MSRA: variants seen among roughly 807,000 people sequenced by gnomAD.
MSRA encodes mitochondrial peptide methionine sulfoxide reductase.
MSRA carries 54 observed loss-of-function variants against 31.3 expected under a neutral mutation model. The observed-to-expected ratio is 1.73, with a 90% CI of 1.39 to 2.17. The LOEUF is 2.17. Among genes scored for constraint, MSRA ranks in the 30% most tolerant of loss-of-function variants. MSRA has a pLI of 0.00. For missense variants in MSRA, 507 were observed against 300.9 expected (o/e 1.69, Z -5.07); for synonymous variants, 169 against 116.5 (o/e 1.45, Z -2.90).
intron 1 of MSRA, among the ~76,000 whole-genome samples, chr8:10,105,577 A>G (rs79804076): frequency 7.3e-4 from 111 of 152,298 alleles, no homozygotes; most frequent in South Asian, 1.2e-3. Flanking sequence ...TGCATCTGCA[A>G]TGTTACCAAA....
intron 3 of MSRA, among the ~76,000 whole-genome samples, chr8:10,288,414 GT>G (rs1183280462): frequency 6.6e-6 from 1 of 152,176 alleles, no homozygotes; most frequent in African/African-American, 2.4e-5. Context: ...GAATCAGGTG[GT>G]TTGGTGCTGT....
At chr8:10,059,249 T>C (rs4840462) in intron 1 of MSRA, 78,402 of 152,088 alleles carry the variant, frequency 0.52, 22,051 homozygotes, top group Non-Finnish European at 0.62. Context: ...AGATATATGA[T>C]GATAATAGCT....
chr8:10,267,638 G>A (rs1261839118), intron 3 of MSRA, among the ~76,000 whole-genome samples: 1 of 152,086 alleles, frequency 6.6e-6, no homozygotes, highest in Non-Finnish European at 1.5e-5. Context: ...CAAAAGTCAG[G>A]AGAGAGATAC....
chr8:10,240,440 C>T (rs925481594), intron 2 of MSRA, among the ~76,000 whole-genome samples: 2 of 152,180 alleles, frequency 1.3e-5, no homozygotes, highest in Non-Finnish European at 2.9e-5. Context: ...TGGCTGGCAT[C>T]CCCTGGCTGG....
In MSRA at chr8:10,254,690, C is replaced by T. The variant is rs147679103; in HGVS notation, c.331+9467C>T. On this transcript the variant is annotated intron_variant, in intron 3 of 5. Transcript: ENST00000317173. ...GCTCATTAGAGGTTTTGACAATCTC[C>T]GCTGGTGGGATTGAAAATAAAACAG... is the stretch of plus-strand genomic sequence containing the variant. Among the ~76,000 whole-genome samples, 373 of 152,280 alleles carry T rather than the reference C, an allele frequency of 2.4e-3. 4 individuals carry two copies. Among genetic ancestry groups the T allele is most frequent in the Non-Finnish European group, 2.0e-3 (133 of 68,020 alleles).
At position 10,309,691 on chromosome 8, in the gene MSRA, G is replaced by A. The variant is rs552758778; in HGVS notation, c.436+8053G>A. Among the ~76,000 whole-genome samples, 64 of 152,212 alleles carry A rather than the reference G, an allele frequency of 4.2e-4. 1 individual carries two copies. The highest frequency in any genetic ancestry group is 6.9e-4 in the Non-Finnish European group (47 of 68,050). On this transcript the variant is annotated intron_variant, in intron 4 of 5. Coordinates refer to ENST00000317173, the MANE Select transcript of MSRA (RefSeq NM_012331.5). Reference sequence around the variant, plus strand: ...CAGGGCCACACATCCTGGCCTTACCGTGAGCTGGGGATTCTGTGGGGCTCC... The same window carrying A: ...CAGGGCCACACATCCTGGCCTTACCATGAGCTGGGGATTCTGTGGGGCTCC...
intron 1 of MSRA, among the ~76,000 whole-genome samples, chr8:10,144,501 G>C (rs553335025): frequency 2.0e-5 from 3 of 152,210 alleles, no homozygotes; most frequent in African/African-American, 7.2e-5. Flanking sequence ...TTTGTAAATA[G>C]ATGAAACAGA....
intron 4 of MSRA, among the ~76,000 whole-genome samples, chr8:10,310,148 G>C (rs959463425): frequency 6.6e-6 from 1 of 152,112 alleles, no homozygotes; most frequent in African/African-American, 2.4e-5. Context: ...CCATATACAA[G>C]GAATCTATCA....
intron 5 of MSRA, among the ~76,000 whole-genome samples, chr8:10,361,135 C>G (rs1293154194): frequency 2.0e-5 from 3 of 152,216 alleles, no homozygotes; most frequent in African/African-American, 7.2e-5. Flanking sequence ...GGGCCACCCA[C>G]TGAAACATTT....
intron 3 of MSRA, among the ~76,000 whole-genome samples, chr8:10,254,051 G>T (rs964757213): frequency 1.3e-5 from 2 of 152,052 alleles, no homozygotes; most frequent in African/African-American, 4.8e-5. Flanking sequence ...GGACTCCTCA[G>T]CCTGGGAGTT....
At chr8:10,214,206 G>T (rs548190473) in intron 2 of MSRA, among the ~76,000 whole-genome samples, 100 of 152,236 alleles carry the variant, frequency 6.6e-4, no homozygotes, top group African/African-American at 2.3e-3. Context: ...GAGTGTTCGC[G>T]TGACCTTTTT....
intron 1 of MSRA, among the ~76,000 whole-genome samples, chr8:10,152,936 G>T (rs1803837393): frequency 6.6e-6 from 1 of 152,180 alleles, no homozygotes; most frequent in South Asian, 2.1e-4. Context: ...ATTCCACTGA[G>T]TCGAGGTTCC....
chr8:10,209,598 G>A (rs1210655594), intron 2 of MSRA, among the ~76,000 whole-genome samples: 2 of 151,776 alleles, frequency 1.3e-5, no homozygotes, highest in South Asian at 2.1e-4. Context: ...GGTTTATAGC[G>A]GCTTCCTCAA....
intron 5 of MSRA, among the ~76,000 whole-genome samples, chr8:10,421,873 T>C (rs4349987): frequency 0.99 from 151,475 of 152,248 alleles, 75,357 homozygotes; most frequent in Middle Eastern, 1. Flanking sequence ...GAAATGGGGA[T>C]TCCATGGGGG....
intron 2 of MSRA, among the ~76,000 whole-genome samples, chr8:10,219,633 C>G (rs535720065): frequency 2.0e-5 from 3 of 151,664 alleles, no homozygotes; most frequent in Admixed American, 2.0e-4. Context: ...GGTGAAACCC[C>G]GTCTCTACTA....
In MSRA at chr8:10,307,269, A is replaced by G. The variant is rs149556495; in HGVS notation, c.436+5631A>G. The stretch of plus-strand genomic sequence containing the variant: ...GCAACTTCTGCCTCCCAAGCTCAAG[A>G]CATCCTCCCACCTCAGCCTCCTGAG... On this transcript the variant is annotated intron_variant, in intron 4 of 5. Coordinates refer to ENST00000317173, the MANE Select transcript of MSRA (RefSeq NM_012331.5). Among the ~76,000 whole-genome samples the G allele has an allele frequency of 8.4e-3, 1,276 of 151,658 alleles. 17 individuals carry two copies. Among genetic ancestry groups the G allele is most frequent in the African/African-American group, 0.03 (1,239 of 41,322 alleles).
At position 10,075,682 on chromosome 8, in the gene MSRA, A is replaced by T. The variant is rs534215154; in HGVS notation, c.142+21024A>T. Among the ~76,000 whole-genome samples, 11 of 152,330 alleles carry T rather than the reference A, an allele frequency of 7.2e-5. No individual in the cohort carries two copies. In the South Asian group the frequency reaches 2.3e-3, roughly 32 times the overall value. ...TTGTTTTATGTTCTAGCATCAAGAG[A>T]TGATTTTACGATATAACAAGTTCCA... On this transcript the variant is annotated intron_variant, in intron 1 of 5. Coordinates refer to ENST00000317173, the MANE Select transcript of MSRA (RefSeq NM_012331.5).
chr8:10,360,451 A>T (rs1804780373), intron 5 of MSRA, among the ~76,000 whole-genome samples: 1 of 152,194 alleles, frequency 6.6e-6, no homozygotes. Flanking sequence ...GTTGTTGCTT[A>T]TGCATTTAGT....
chr8:10,076,361 A>C (rs1329508029), intron 1 of MSRA, among the ~76,000 whole-genome samples: 2 of 152,202 alleles, frequency 1.3e-5, no homozygotes, highest in Non-Finnish European at 2.9e-5. Flanking sequence ...GGTGTATGGC[A>C]CGTGGCTAAG....
Sources: gnomAD v4.1 joint callset for allele counts (sites outside exome capture counted in the v4.1 genomes callset) on GRCh38, gnomAD v4.1.1 for gene constraint, MANE v1.5 for transcripts, NCBI Gene and HGNC (gene_info 2026-07-23, HGNC 2026-07-21) for gene names.